AREL1: variants seen among roughly 807,000 people sequenced by gnomAD.
The protein encoded by AREL1 is apoptosis-resistant E3 ubiquitin protein ligase 1.
AREL1 carries 62 observed loss-of-function variants against 99.0 expected under a neutral mutation model. That is an observed-to-expected ratio of 0.63 (90% CI 0.51 to 0.77). The LOEUF is 0.77. AREL1 is among the 30% of genes least tolerant of loss of function. AREL1 has a pLI of 0.00. For missense variants in AREL1, 879 were observed against 1,027.6 expected (o/e 0.86, Z 1.98); for synonymous variants, 380 against 376.5 (o/e 1.01, Z -0.11).
At position 74,692,041 on chromosome 14, in the gene AREL1, CT is replaced by C; in HGVS notation, c.-47del. The C allele has an allele frequency of 5.2e-6, 2 of 382,724 alleles. No homozygotes were observed. Among genetic ancestry groups the C allele is most frequent in the Non-Finnish European group, 1.0e-5 (2 of 199,890 alleles). The allele number at this position is 382,724 out of a possible 1,614,324, so 23.7% of individuals were successfully genotyped here. ...AGCTTAACTCAGTCTGTTACCTTAC[CT>C]TTAAACGAGGGCCCATGTTCTGAGA... On this transcript the variant is annotated splice_region_variant and 5_prime_UTR_variant, in exon 2 of 20. An upstream open reading frame in the 5' UTR loses its in-frame stop. Transcript: ENST00000356357.
At chr14:74,677,054 C>G (rs1482864827) in intron 5 of AREL1, among the ~76,000 whole-genome samples, 3 of 152,014 alleles carry the variant, frequency 2.0e-5, no homozygotes, top group Non-Finnish European at 4.4e-5. Context: ...CCGCCTTGGC[C>G]TCCCAAAGTG....
chr14:74,712,960 G>T lies in AREL1; in HGVS notation c.-361C>A. ...GAGCCGGGGGTTGCAGCGCGACGAA[G>T]TTCCACCTCCGCTGTCCTGGGAAGG... On this transcript the variant is annotated 5_prime_UTR_variant, in exon 1 of 20. Coordinates refer to ENST00000356357, the MANE Select transcript of AREL1 (RefSeq NM_001039479.2). 2.8e-6 allele frequency: 2 copies of T among 717,968 alleles called. No homozygotes were observed. The highest frequency in any genetic ancestry group is 5.0e-6 in the Non-Finnish European group (2 of 399,334). 44.5% of individuals were successfully genotyped at this position (717,968 alleles called of 1,614,324 possible).
In AREL1 at chr14:74,676,224, T is replaced by C; in HGVS notation, c.749A>G (p.His250Arg). Reference protein sequence around the residue: ...TFQVFLRLTLHSRGCFHACIS... With the variant: ...TFQVFLRLTLRSRGCFHACIS... ...GCAAGCATGGAAGCAGCCTCGAGAA[T>C]GCAGGGTGAGTCGCAAGAACACCTG... Residue 250 changes from histidine to arginine, a missense_variant, in exon 7 of 20, where the codon CAT becomes CGT. Physicochemically the swap from His to Arg is conservative, Grantham distance 29. Coordinates refer to ENST00000356357, the MANE Select transcript of AREL1 (RefSeq NM_001039479.2). 1 of 1,614,154 alleles carries C rather than the reference T, an allele frequency of 6.2e-7. No homozygotes were observed. Among genetic ancestry groups the C allele is most frequent in the Non-Finnish European group, 8.5e-7 (1 of 1,180,028 alleles).
intron 1 of AREL1, among the ~76,000 whole-genome samples, chr14:74,695,304 T>C (rs546823171): frequency 4.6e-5 from 7 of 152,124 alleles, no homozygotes; most frequent in African/African-American, 1.7e-4. Context: ...GGTCTTGAAC[T>C]CCTGACCACA....
In AREL1 at chr14:74,662,709, T is replaced by C; in HGVS notation, c.*1011A>G. On this transcript the variant is annotated 3_prime_UTR_variant, in exon 20 of 20. Transcript: ENST00000356357. ...GATAAGCACGTAAACTCCTAGTCCC[T>C]GTTCCTTTGTCTTAGTGCTGCCAGA... The C allele has an allele frequency of 2.5e-6, 1 of 398,226 alleles. No individual in the cohort carries two copies. The allele number at this position is 398,226 out of a possible 1,614,324, so 24.7% of individuals were successfully genotyped here. A position where few individuals can be genotyped will look rare whatever the true frequency, so the allele number is the denominator to read the frequency against.
At chr14:74,685,507 CA>C (rs2089727996) in intron 3 of AREL1, 92 bp downstream of exon 3, 1 of 1,432,984 alleles carries the variant, frequency 7.0e-7, no homozygotes, top group Non-Finnish European at 9.7e-7. Context: ...TTTTCAGCTC[CA>C]TTTTCAAAGG....
At chr14:74,666,075 A>T (rs191297073) in intron 17 of AREL1, among the ~76,000 whole-genome samples, 2 of 152,336 alleles carry the variant, frequency 1.3e-5, no homozygotes, top group East Asian at 3.9e-4. Flanking sequence ...TGGAGAGTTC[A>T]TTTTGTTTGG....
In AREL1 at chr14:74,672,837, C is replaced by T. The variant is rs770551811; in HGVS notation, c.1416G>A (p.Leu472=). The change falls in exon 11 of 20, where the codon TTG becomes TTA. Residue 472 remains leucine (L), a synonymous_variant. Transcript: ENST00000356357. ...GAGATGAAATTTTACCTACCGATTC[C>T]AACAAGGCATGTCTGCTGACCTTCA... ...VTLKVSRHAL[L]ESSLKATRNF... is the part of the protein sequence containing the mutation. 6.2e-7 allele frequency: 1 copy of T among 1,614,142 alleles called. No homozygotes were observed. The highest frequency in any genetic ancestry group is 1.3e-5 in the African/African-American group (1 of 75,040).
intron 1 of AREL1, among the ~76,000 whole-genome samples, chr14:74,693,558 A>C (rs1290567837): frequency 1.3e-5 from 2 of 152,242 alleles, no homozygotes; most frequent in African/African-American, 4.8e-5. Context: ...TCAGTGCTTC[A>C]TACACATAAA....
intron 4 of AREL1, among the ~76,000 whole-genome samples, chr14:74,683,981 A>C (rs113016558): frequency 6.6e-6 from 1 of 152,204 alleles, no homozygotes; most frequent in African/African-American, 2.4e-5. Context: ...TTAATGCTAC[A>C]GTGGAGAAGT....
Position 74,673,196 on chromosome 14 carries a change from G to A in AREL1, c.1181C>T (p.Pro394Leu). 6.2e-7 allele frequency: 1 copy of A among 1,614,092 alleles called. No homozygotes were observed. The highest frequency in any genetic ancestry group is 8.5e-7 in the Non-Finnish European group (1 of 1,180,028). ...CACCAGTGTGAGCAGCTTATGGACA[G>A]GGTCAGGACCAAGGTATGAAAACTG... Reference protein sequence around the residue: ...GTKFSYLGPDPVHKLLTLVVD... With the variant: ...GTKFSYLGPDLVHKLLTLVVD... The change falls in exon 10 of 20, where the codon CCT becomes CTT. Residue 394 changes from proline (P) to leucine (L), a missense_variant. Physicochemically the swap from Pro to Leu is moderately conservative, Grantham distance 98 (BLOSUM62 -3). Transcript: ENST00000356357.
Position 74,676,328 on chromosome 14 carries a change from G to C in AREL1, c.652-7C>G, listed in dbSNP as rs1270292061. ...CTTCTTCTTGAGGGCCGAGCTATAG[G>C]AAGGCAACAGAGCATCACTTAACAT... On this transcript the variant is annotated splice_region_variant and splice_polypyrimidine_tract_variant and intron_variant, in intron 6 of 19. Transcript: ENST00000356357. 1 of 1,613,464 alleles carries C rather than the reference G, an allele frequency of 6.2e-7. No individual in the cohort carries two copies. The highest frequency in any genetic ancestry group is 8.5e-7 in the Non-Finnish European group (1 of 1,179,606).
intron 17 of AREL1, among the ~76,000 whole-genome samples, chr14:74,665,165 A>G (rs904672753): frequency 1.3e-5 from 2 of 152,210 alleles, no homozygotes; most frequent in Non-Finnish European, 1.5e-5. Flanking sequence ...ATATATTTAT[A>G]CAAGTGTTGG....
intron 8 of AREL1, among the ~76,000 whole-genome samples, chr14:74,675,020 G>T (rs1025615734): frequency 2.0e-5 from 3 of 152,176 alleles, no homozygotes; most frequent in Non-Finnish European, 4.4e-5. Flanking sequence ...GTGCAGGTCA[G>T]TTGTTTTCTT....
chr14:74,710,424 T>C (rs2090258133), intron 1 of AREL1, among the ~76,000 whole-genome samples: 1 of 152,180 alleles, frequency 6.6e-6, no homozygotes, highest in South Asian at 2.1e-4. Flanking sequence ...GAAGAGCGTT[T>C]TTCTGTCAGT....
In AREL1 at chr14:74,675,937, T is replaced by C; in HGVS notation, c.842A>G (p.Lys281Arg). The stretch of plus-strand genomic sequence containing the variant: ...GGACACATTGCGTTCGACGATATTC[T>C]TCTCATCCTCTGAAGTATAATAAGG... Reference protein sequence around the residue: ...FDIIVLSEDEKNIVERNVSTS... With the variant: ...FDIIVLSEDERNIVERNVSTS... Residue 281 changes from lysine (K) to arginine (R), a missense_variant, in exon 8 of 20, where the codon AAG (lysine) becomes AGG (arginine). By Grantham distance (26) the Lys-to-Arg change is conservative. Coordinates refer to ENST00000356357, the MANE Select transcript of AREL1 (RefSeq NM_001039479.2). 3 of 1,592,088 alleles carry C rather than the reference T, an allele frequency of 1.9e-6. No homozygotes were observed. Among genetic ancestry groups the C allele is most frequent in the South Asian group, 1.1e-5 (1 of 87,964 alleles).
Position 74,664,088 on chromosome 14 carries a change from C to G in AREL1, c.2194-14G>C, listed in dbSNP as rs765657877. The stretch of plus-strand genomic sequence containing the variant: ...CCACCTCATGACCTGGCAGGGAGAG[C>G]ACAAGGCTGGGATCACACACAGTAA... On this transcript the variant is annotated splice_polypyrimidine_tract_variant and intron_variant, in intron 18 of 19. Transcript: ENST00000356357. The G allele has an allele frequency of 1.9e-6, 3 of 1,609,812 alleles. No individual in the cohort carries two copies. In the Admixed American group the frequency reaches 5.1e-5, roughly 27 times the overall value.
At chr14:74,664,702 G>A (rs1002988828) in intron 18 of AREL1, 134 bp downstream of exon 18, 6 of 523,086 alleles carry the variant, frequency 1.1e-5, no homozygotes, top group African/African-American at 4.1e-5. Flanking sequence ...TTTGTGATCC[G>A]CCTGCCTCAG....
chr14:74,707,083 T>C (rs2090191651), intron 1 of AREL1, among the ~76,000 whole-genome samples: 1 of 152,172 alleles, frequency 6.6e-6, no homozygotes, highest in African/African-American at 2.4e-5. Flanking sequence ...TTATACACGA[T>C]CTGGTCGGGC....
Sources: allele counts gnomAD v4.1 joint callset (sites outside exome capture counted in the v4.1 genomes callset), GRCh38; gene constraint gnomAD v4.1.1; transcripts MANE v1.5; gene names NCBI Gene and HGNC (gene_info 2026-07-23, HGNC 2026-07-21).